PNPT1: variants seen among roughly 807,000 people sequenced by gnomAD.
The protein encoded by PNPT1 is polyribonucleotide nucleotidyltransferase 1, mitochondrial.
PNPT1 carries 53 observed loss-of-function variants against 119.5 expected under a neutral mutation model. That is an observed-to-expected ratio of 0.44 (90% CI 0.36 to 0.56). The LOEUF (loss-of-function observed/expected upper bound fraction) is 0.56. Ranked by LOEUF, PNPT1 falls within the 20% of genes least tolerant of loss-of-function variation. The pLI is 0.00. For synonymous variants in PNPT1, 357 were observed against 322.1 expected (o/e 1.11, Z -1.16); for missense variants, 948 against 938.5 (o/e 1.01, Z -0.13).
intron 8 of PNPT1, among the ~76,000 whole-genome samples, chr2:55,676,484 C>T (rs1572827339): frequency 1.3e-5 from 2 of 152,080 alleles, no homozygotes; most frequent in South Asian, 2.1e-4. Context: ...CTAAATGGTA[C>T]GGTTCAGAAT....
rs1337835608 is a variant in PNPT1 at position 55,672,838 on chromosome 2, G to A, written c.866+55C>T. ...CTTCCATGGGAAGTTTCTCTCCCAC[G>A]AGGAAATTAAATCTGATGACAATTT... On this transcript the variant is annotated intron_variant, in intron 9 of 27. Coordinates refer to ENST00000447944, the MANE Select transcript of PNPT1 (RefSeq NM_033109.5). The A allele has an allele frequency of 1.2e-5, 18 of 1,487,036 alleles. No homozygotes were observed. In the African/African-American group the frequency reaches 1.3e-4, roughly 11 times the overall value. 92.1% of individuals were successfully genotyped at this position (1,487,036 alleles called of 1,614,324 possible). A position where few individuals can be genotyped will look rare whatever the true frequency, so the allele number is the denominator to read the frequency against.
chr2:55,680,927 A>G lies in PNPT1; in HGVS notation c.454-9T>C. On this transcript the variant is annotated splice_polypyrimidine_tract_variant and intron_variant, in intron 5 of 27. Transcript: ENST00000447944. ...AACAGATTACACAGAACCTGGTAAAAGGGAAAAAATTTGATTTGGAAGGGT... is the reference window on the plus strand; with the variant it reads ...AACAGATTACACAGAACCTGGTAAAGGGGAAAAAATTTGATTTGGAAGGGT... 1 of 1,611,404 alleles carries G rather than the reference A, an allele frequency of 6.2e-7. No homozygotes were observed. Among genetic ancestry groups the G allele is most frequent in the Non-Finnish European group, 8.5e-7 (1 of 1,178,774 alleles).
At chr2:55,692,735 A>G (rs1476058505) in intron 1 of PNPT1, among the ~76,000 whole-genome samples, 1 of 152,210 alleles carries the variant, frequency 6.6e-6, no homozygotes, top group Non-Finnish European at 1.5e-5. Context: ...CTGGCGTTCA[A>G]AAAACTGACT....
In PNPT1 at chr2:55,642,589, G is replaced by A. The variant is rs1205601863; in HGVS notation, c.2069+569C>T. ...CCACTGCACTCCAGCCTGGGTGACA[G>A]AGCGAGACTCTGTCCCAAAAAAAAA... On this transcript the variant is annotated intron_variant, in intron 25 of 27. Transcript: ENST00000447944. Among the ~76,000 whole-genome samples the A allele has an allele frequency of 2.5e-5, 3 of 117,820 alleles. No homozygotes were observed. In the East Asian group the frequency reaches 8.0e-4, roughly 31 times the overall value. 77.3% of individuals were successfully genotyped at this position (117,820 alleles called of 152,430 possible).
intron 15 of PNPT1, among the ~76,000 whole-genome samples, chr2:55,658,109 T>A (rs932941434): frequency 2.0e-5 from 3 of 151,826 alleles, no homozygotes; most frequent in Admixed American, 6.6e-5. Flanking sequence ...TGGTGGTGCC[T>A]GTAGTCCCAG....
At chr2:55,652,653 A>G (rs1696248172) in intron 18 of PNPT1, among the ~76,000 whole-genome samples, 1 of 152,156 alleles carries the variant, frequency 6.6e-6, no homozygotes, top group Non-Finnish European at 1.5e-5. Context: ...TGCACCTATT[A>G]TTTAGTCTAA....
intron 1 of PNPT1, among the ~76,000 whole-genome samples, chr2:55,688,855 G>A (rs531788016): frequency 1.2e-4 from 18 of 152,274 alleles, no homozygotes; most frequent in African/African-American, 4.3e-4. Flanking sequence ...TCAACAGAAG[G>A]GGAAAGAACA....
intron 17 of PNPT1, 47 bp downstream of exon 17, chr2:55,656,084 G>A (rs1696376573): frequency 6.4e-7 from 1 of 1,571,086 alleles, no homozygotes; most frequent in Non-Finnish European, 8.6e-7. Flanking sequence ...TAATAGAATA[G>A]GGAATATGGT....
At chr2:55,691,638 A>G (rs1317068922) in intron 1 of PNPT1, among the ~76,000 whole-genome samples, 1 of 152,072 alleles carries the variant, frequency 6.6e-6, no homozygotes, top group East Asian at 1.9e-4. Flanking sequence ...TCTAATGCCT[A>G]TCTCACAGTA....
At chr2:55,668,548 C>G (rs1250981209) in intron 11 of PNPT1, among the ~76,000 whole-genome samples, 1 of 149,964 alleles carries the variant, frequency 6.7e-6, no homozygotes, top group Non-Finnish European at 1.5e-5. Context: ...CATCAGTTCC[C>G]TTTTCTATTA....
rs544256386 is a variant in PNPT1, at chr2:55,672,764, G to T, written c.866+129C>A. The T allele has an allele frequency of 2.4e-4, 200 of 822,840 alleles. 2 individuals carry two copies. In the South Asian group the frequency reaches 2.7e-3, roughly 11 times the overall value. 51.0% of individuals were successfully genotyped at this position (822,840 alleles called of 1,614,324 possible). Reference sequence around the variant, plus strand: ...GGAGTAAGCAGATATTTATGGGAATGACTCTTAAAACAGAAAAGTGCTATT... The same window carrying T: ...GGAGTAAGCAGATATTTATGGGAATTACTCTTAAAACAGAAAAGTGCTATT... On this transcript the variant is annotated intron_variant, in intron 9 of 27. Transcript: ENST00000447944.
intron 26 of PNPT1, among the ~76,000 whole-genome samples, chr2:55,639,009 A>T (rs759027619): frequency 6.6e-5 from 10 of 152,070 alleles, no homozygotes; most frequent in South Asian, 6.2e-4. Flanking sequence ...CTCCTGACCT[A>T]AAGTGATCCG....
At chr2:55,680,606 A>G (rs1006146097) in intron 7 of PNPT1, 106 bp downstream of exon 7, 1 of 1,015,258 alleles carries the variant, frequency 9.8e-7, no homozygotes, top group Non-Finnish European at 1.5e-6. Context: ...TCAATTCATG[A>G]AGAGGTAATA....
chr2:55,639,610 T>C (rs1559084920), intron 26 of PNPT1, among the ~76,000 whole-genome samples: 1 of 152,244 alleles, frequency 6.6e-6, no homozygotes, highest in Non-Finnish European at 1.5e-5. Context: ...ATTTTTCTAT[T>C]GATATTCATC....
intron 26 of PNPT1, among the ~76,000 whole-genome samples, chr2:55,639,595 TACTTA>T (rs1559084918): frequency 6.6e-6 from 1 of 152,224 alleles, no homozygotes; most frequent in Non-Finnish European, 1.5e-5. Context: ...TCATGTTCTT[TACTTA>T]TTTTTCTATT....
At chr2:55,676,713 T>C (rs1422429767) in intron 8 of PNPT1, among the ~76,000 whole-genome samples, 2 of 151,814 alleles carry the variant, frequency 1.3e-5, no homozygotes, top group Non-Finnish European at 2.9e-5. Flanking sequence ...AACACAAAAA[T>C]TAGCCAGGTG....
At chr2:55,649,694 C>T (rs1696111157) in intron 18 of PNPT1, among the ~76,000 whole-genome samples, 1 of 152,190 alleles carries the variant, frequency 6.6e-6, no homozygotes, top group African/African-American at 2.4e-5. Flanking sequence ...TCCATAAAAT[C>T]CTTCAAGTTC....
At chr2:55,679,881 TTTGA>T (rs1486599085) in intron 7 of PNPT1, 86 bp from the exon 8 acceptor site, 2 of 874,916 alleles carry the variant, frequency 2.3e-6, no homozygotes, top group Admixed American at 5.2e-5. Flanking sequence ...CAACCCCATC[TTTGA>T]TTGTGACCAC....
At chr2:55,683,060 G>A (rs1476830773) in intron 5 of PNPT1, among the ~76,000 whole-genome samples, 1 of 152,224 alleles carries the variant, frequency 6.6e-6, no homozygotes, top group Non-Finnish European at 1.5e-5. Context: ...TATTCAGGAA[G>A]TATTAAAATA....
Sources: allele counts gnomAD v4.1 joint callset (sites outside exome capture counted in the v4.1 genomes callset), GRCh38; gene constraint gnomAD v4.1.1; transcripts MANE v1.5; gene names NCBI Gene and HGNC (gene_info 2026-07-23, HGNC 2026-07-21).